The following GPC6 variants were observed in gnomAD, a reference collection of about 807,000 sequenced individuals.
GPC6 encodes the protein glypican-6.
Under a neutral mutation model 55.2 loss-of-function variants are expected in GPC6, and 14 were observed. That is an observed-to-expected ratio of 0.25 (90% CI 0.17 to 0.40). GPC6 has a LOEUF of 0.40. GPC6 is among the 10% of genes least tolerant of loss of function. GPC6 has a pLI of 1.00. For missense variants in GPC6, 641 were observed against 708.5 expected (o/e 0.90, Z 1.08); for synonymous variants, 278 against 259.6 (o/e 1.07, Z -0.68).
At chr13:93,334,474 A>AT (rs1180610893) in intron 1 of GPC6, among the ~76,000 whole-genome samples, 2 of 151,968 alleles carry the variant, frequency 1.3e-5, no homozygotes, top group East Asian at 1.9e-4. Context: ...TTATTTATTT[A>AT]TTTTTTGAGA....
intron 4 of GPC6, among the ~76,000 whole-genome samples, chr13:94,031,116 G>A (rs1883119075): frequency 6.6e-6 from 1 of 151,778 alleles, no homozygotes; most frequent in Non-Finnish European, 1.5e-5. Context: ...GTGCATGTGT[G>A]TGTGTGTGTG....
At chr13:93,938,565 A>T (rs1357556812) in intron 3 of GPC6, among the ~76,000 whole-genome samples, 4 of 152,218 alleles carry the variant, frequency 2.6e-5, no homozygotes. Flanking sequence ...TTTTTCGGAC[A>T]CAATAAAAAG....
At chr13:94,322,239 A>G (rs1273353714) in intron 6 of GPC6, among the ~76,000 whole-genome samples, 1 of 152,216 alleles carries the variant, frequency 6.6e-6, no homozygotes, top group Admixed American at 6.5e-5. Flanking sequence ...GTCTGCCACC[A>G]TGTAAGACAT....
intron 4 of GPC6, among the ~76,000 whole-genome samples, chr13:94,127,281 G>A (rs1315922437): frequency 6.6e-6 from 1 of 152,092 alleles, no homozygotes; most frequent in Non-Finnish European, 1.5e-5. Flanking sequence ...TGGAGGTGGG[G>A]CTTGTTGGGA....
intron 3 of GPC6, among the ~76,000 whole-genome samples, chr13:93,878,205 T>C (rs1022729414): frequency 6.6e-6 from 1 of 152,034 alleles, no homozygotes; most frequent in African/African-American, 2.4e-5. Flanking sequence ...CTAAAATTAA[T>C]ATTGAAACTT....
chr13:93,902,651 T>C (rs1398481832), intron 3 of GPC6, among the ~76,000 whole-genome samples: 1 of 152,214 alleles, frequency 6.6e-6, no homozygotes, highest in African/African-American at 2.4e-5. Context: ...ATAATGGCTG[T>C]ACTAATTTAT....
chr13:93,524,026 G>A (rs547615972), intron 1 of GPC6, among the ~76,000 whole-genome samples: 2 of 152,012 alleles, frequency 1.3e-5, no homozygotes, highest in African/African-American at 2.4e-5. Context: ...AGGGGGGAAA[G>A]TCATGTATAC....
chr13:93,761,412 A>G (rs1264043136), intron 2 of GPC6, among the ~76,000 whole-genome samples: 1 of 152,202 alleles, frequency 6.6e-6, no homozygotes, highest in Non-Finnish European at 1.5e-5. Context: ...TATTTTTCAG[A>G]AGTCTGTGTC....
At chr13:93,663,829 A>G (rs1323297555) in intron 2 of GPC6, among the ~76,000 whole-genome samples, 1 of 152,212 alleles carries the variant, frequency 6.6e-6, no homozygotes, top group Non-Finnish European at 1.5e-5. Context: ...GTAAAAATGC[A>G]TAAAATGAAG....
intron 2 of GPC6, among the ~76,000 whole-genome samples, chr13:93,791,110 C>A (rs183491346): frequency 6.6e-6 from 1 of 152,134 alleles, no homozygotes; most frequent in Non-Finnish European, 1.5e-5. Flanking sequence ...TGGTTCTGTA[C>A]ATAGTGATTC....
chr13:94,357,944 G>A lies in GPC6; in HGVS notation c.1153-24470G>A, dbSNP rs116261668. On this transcript the variant is annotated intron_variant, in intron 6 of 8. Transcript: ENST00000377047. Reference sequence around the variant, plus strand: ...GCCCCAATGCCTAATGCGGTATCTTGCACAGAGAAAACCCTTAATGAATGT... The same window carrying A: ...GCCCCAATGCCTAATGCGGTATCTTACACAGAGAAAACCCTTAATGAATGT... Among the ~76,000 whole-genome samples the A allele has an allele frequency of 4.8e-3, 728 of 152,256 alleles. 11 individuals are homozygous for A. The highest frequency in any genetic ancestry group is 0.017 in the African/African-American group (707 of 41,528).
chr13:93,584,960 G>A (rs1877122755), intron 2 of GPC6, among the ~76,000 whole-genome samples: 1 of 152,020 alleles, frequency 6.6e-6, no homozygotes, highest in South Asian at 2.1e-4. Flanking sequence ...AAATTGATGG[G>A]ATTACAGGCA....
chr13:93,674,143 A>C (rs1344744796), intron 2 of GPC6, among the ~76,000 whole-genome samples: 2 of 152,136 alleles, frequency 1.3e-5, no homozygotes, highest in East Asian at 3.9e-4. Context: ...TTAACCTAAC[A>C]ATCAGTTTTG....
intron 1 of GPC6, among the ~76,000 whole-genome samples, chr13:93,306,512 CAA>C (rs1878862219): frequency 1.3e-5 from 2 of 152,018 alleles, no homozygotes; most frequent in South Asian, 2.1e-4. Context: ...GAGGGGACAA[CAA>C]AATATAATCA....
intron 3 of GPC6, among the ~76,000 whole-genome samples, chr13:94,001,121 C>G (rs536441461): frequency 2.2e-4 from 33 of 152,274 alleles, no homozygotes; most frequent in Admixed American, 1.8e-3. Context: ...TAAGTCATTA[C>G]AAATCAAACC....
At chr13:93,697,861 C>G (rs1354270725) in intron 2 of GPC6, among the ~76,000 whole-genome samples, 3 of 152,114 alleles carry the variant, frequency 2.0e-5, no homozygotes, top group African/African-American at 7.2e-5. Context: ...ATCAACTGTT[C>G]AAAACAATAA....
intron 6 of GPC6, among the ~76,000 whole-genome samples, chr13:94,333,303 C>A: frequency 6.6e-6 from 1 of 152,194 alleles, no homozygotes; most frequent in Non-Finnish European, 1.5e-5. Flanking sequence ...CCATAAATCT[C>A]ACTAATGGCC....
intron 3 of GPC6, among the ~76,000 whole-genome samples, chr13:93,840,441 A>G (rs1594510421): frequency 3.3e-5 from 5 of 152,214 alleles, no homozygotes. Context: ...GGAAAAATCA[A>G]TCAACCAAAG....
At chr13:93,727,050 G>A (rs2138831041) in intron 2 of GPC6, among the ~76,000 whole-genome samples, 1 of 152,240 alleles carries the variant, frequency 6.6e-6, no homozygotes, top group Middle Eastern at 3.4e-3. Flanking sequence ...ATTGGGGACA[G>A]TCTTGGGAAA....
Sources: allele counts gnomAD v4.1 joint callset (sites outside exome capture counted in the v4.1 genomes callset), GRCh38; gene constraint gnomAD v4.1.1; transcripts MANE v1.5; gene names NCBI Gene and HGNC (gene_info 2026-07-23, HGNC 2026-07-21).